Variants in LIPC observed in about 807,000 individuals in gnomAD.
LIPC encodes hepatic triacylglycerol lipase.
Under a neutral mutation model 50.7 loss-of-function variants are expected in LIPC, and 44 were observed. The observed-to-expected ratio is 0.87, with a 90% CI of 0.68 to 1.11. LIPC has a LOEUF of 1.11. LIPC is among the 50% of genes most tolerant of loss of function. The pLI, the probability that LIPC is intolerant of heterozygous loss-of-function variation, is 0.00. For synonymous variants in LIPC, 271 were observed against 256.4 expected, an observed-to-expected ratio of 1.06 and a Z score of -0.54; for missense variants, 697 against 648.2, an observed-to-expected ratio of 1.08 and a Z score of -0.82.
intron 1 of LIPC, among the ~76,000 whole-genome samples, chr15:58,485,708 G>A (rs1364525232): frequency 1.3e-5 from 2 of 152,234 alleles, no homozygotes; most frequent in Non-Finnish European, 2.9e-5. Flanking sequence ...AATCAGAGAA[G>A]TTCCAAAGCT....
chr15:58,524,840 A>C (rs1340798634), intron 1 of LIPC, among the ~76,000 whole-genome samples: 1 of 150,030 alleles, frequency 6.7e-6, no homozygotes, highest in African/African-American at 2.5e-5. Flanking sequence ...AGTTGCAATT[A>C]TTTTTTCTCA....
intron 1 of LIPC, among the ~76,000 whole-genome samples, chr15:58,526,365 A>G (rs1440428662): frequency 6.6e-6 from 1 of 152,240 alleles, no homozygotes; most frequent in East Asian, 1.9e-4. Flanking sequence ...GTTAACCGGT[A>G]GCCTAGTTTG....
intron 1 of LIPC, among the ~76,000 whole-genome samples, chr15:58,494,290 C>A (rs554499675): frequency 6.6e-6 from 1 of 152,202 alleles, no homozygotes; most frequent in South Asian, 2.1e-4. Flanking sequence ...AACCCTGGTG[C>A]AATGTGGGAG....
chr15:58,522,667 T>A (rs1329807062), intron 1 of LIPC: 2 of 153,950 alleles, frequency 1.3e-5, no homozygotes, highest in African/African-American at 4.8e-5. Flanking sequence ...CACACGTTCC[T>A]GCTCCTTCCT....
intron 1 of LIPC, among the ~76,000 whole-genome samples, chr15:58,470,962 T>C (rs1894771517): frequency 6.6e-6 from 1 of 152,020 alleles, no homozygotes; most frequent in Non-Finnish European, 1.5e-5. Context: ...TCTCTAATCT[T>C]TCTAGAAATG....
chr15:58,546,327 T>C (rs1289051290), intron 5 of LIPC, among the ~76,000 whole-genome samples: 2 of 152,200 alleles, frequency 1.3e-5, no homozygotes, highest in Non-Finnish European at 2.9e-5. Flanking sequence ...TATTCTTCCT[T>C]CTCTGGAAGT....
chr15:58,470,490 A>G (rs1277428274), intron 1 of LIPC, among the ~76,000 whole-genome samples: 1 of 152,192 alleles, frequency 6.6e-6, no homozygotes, highest in Non-Finnish European at 1.5e-5. Flanking sequence ...TTACTTTTTC[A>G]TAAAATTACT....
intron 1 of LIPC, among the ~76,000 whole-genome samples, chr15:58,530,548 A>G (rs1968688): frequency 0.99 from 150,446 of 152,380 alleles, 74,301 homozygotes; most frequent in East Asian, 1. Flanking sequence ...TTGCTTGACT[A>G]TAGTGCAGTA....
At chr15:58,460,821 C>G (rs189782223) in intron 1 of LIPC, among the ~76,000 whole-genome samples, 1 of 152,214 alleles carries the variant, frequency 6.6e-6, no homozygotes, top group African/African-American at 2.4e-5. Context: ...AGCTCAGGAA[C>G]AGACTTCCTT....
chr15:58,468,175 A>G (rs1410298943), intron 1 of LIPC, among the ~76,000 whole-genome samples: 2 of 152,104 alleles, frequency 1.3e-5, no homozygotes, highest in Admixed American at 6.5e-5. Flanking sequence ...TTCAAAAGAG[A>G]TCACTTGGCT....
intron 1 of LIPC, among the ~76,000 whole-genome samples, chr15:58,478,581 G>C (rs1192473874): frequency 5.3e-5 from 8 of 152,194 alleles, no homozygotes; most frequent in Admixed American, 3.3e-4. Flanking sequence ...ATATAATATA[G>C]GTATTACTAT....
chr15:58,484,883 G>C lies in LIPC; in HGVS notation c.88+52763G>C, dbSNP rs574874215. Among the ~76,000 whole-genome samples, 5 of 152,320 alleles carry C rather than the reference G, an allele frequency of 3.3e-5. No homozygotes were observed. In the South Asian group the frequency reaches 1.0e-3, roughly 32 times the overall value. On this transcript the variant is annotated intron_variant, in intron 1 of 8. Coordinates refer to ENST00000299022, the MANE Select transcript of LIPC (RefSeq NM_000236.3). ...GAACAGGAGTTAACTAGACTAACAGGGGAGGAAGTGGGTTGCAAGCCGTGG... is the reference window on the plus strand; with the variant it reads ...GAACAGGAGTTAACTAGACTAACAGCGGAGGAAGTGGGTTGCAAGCCGTGG...
chr15:58,492,021 G>C (rs1566927577), intron 1 of LIPC, among the ~76,000 whole-genome samples: 1 of 152,194 alleles, frequency 6.6e-6, no homozygotes. Context: ...GTCCCAGCAA[G>C]CAACAGAGCA....
At chr15:58,481,690 C>T (rs148938326) in intron 1 of LIPC, among the ~76,000 whole-genome samples, 4 of 152,172 alleles carry the variant, frequency 2.6e-5, no homozygotes, top group East Asian at 3.9e-4. Flanking sequence ...CCCAGCTACT[C>T]GAGAGGCTGA....
At chr15:58,537,398 T>C (rs1213808893) in intron 1 of LIPC, among the ~76,000 whole-genome samples, 1 of 152,226 alleles carries the variant, frequency 6.6e-6, no homozygotes, top group East Asian at 1.9e-4. Flanking sequence ...GAAGGTGATA[T>C]GTTAAAAACA....
intron 1 of LIPC, among the ~76,000 whole-genome samples, chr15:58,460,754 G>GA (rs1894317107): frequency 6.6e-6 from 1 of 152,214 alleles, no homozygotes; most frequent in Non-Finnish European, 1.5e-5. Flanking sequence ...CTGGAGCTGG[G>GA]AAAAGAGGGC....
At chr15:58,443,670 ATC>A (rs1162676051) in intron 1 of LIPC, among the ~76,000 whole-genome samples, 2 of 152,138 alleles carry the variant, frequency 1.3e-5, no homozygotes, top group African/African-American at 4.8e-5. Flanking sequence ...TTTCATGCAA[ATC>A]TCTGTCTCAC....
intron 1 of LIPC, among the ~76,000 whole-genome samples, chr15:58,485,645 CACA>C (rs530163147): frequency 3.7e-4 from 56 of 152,332 alleles, no homozygotes; most frequent in Middle Eastern, 3.4e-3. Context: ...ATTTGGATCT[CACA>C]ACATCTCTGC....
intron 1 of LIPC, among the ~76,000 whole-genome samples, chr15:58,450,369 A>ATGCTGATTCTGTTGCTGGTCC (rs1893858265): frequency 6.6e-6 from 1 of 152,134 alleles, no homozygotes; most frequent in Non-Finnish European, 1.5e-5. Flanking sequence ...GTCCCAGGTG[A>ATGCTGATTCTGTTGCTGGTCC]TGCTGATTCT....
Sources: gnomAD v4.1 joint callset for allele counts (sites outside exome capture counted in the v4.1 genomes callset) on GRCh38, gnomAD v4.1.1 for gene constraint, MANE v1.5 for transcripts, NCBI Gene and HGNC (gene_info 2026-07-23, HGNC 2026-07-21) for gene names.